Variants in PTPN2 observed in about 807,000 individuals in gnomAD.
The protein encoded by PTPN2 is protein tyrosine phosphatase non-receptor type 2.
In PTPN2, 19 loss-of-function variants were observed where a neutral mutation model predicts 57.3. That is an observed-to-expected ratio of 0.33 (90% CI 0.23 to 0.49). PTPN2 has a LOEUF of 0.49. Among genes scored for constraint, PTPN2 ranks in the 20% least tolerant of loss-of-function variants. PTPN2 has a pLI of 0.99. For missense variants in PTPN2, 358 were observed against 501.1 expected (o/e 0.71, Z 2.73); for synonymous variants, 153 against 164.9 (o/e 0.93, Z 0.55).
intron 6 of PTPN2, among the ~76,000 whole-genome samples, chr18:12,816,896 T>G (rs1306347971): frequency 6.6e-6 from 1 of 152,166 alleles, no homozygotes; most frequent in Admixed American, 6.5e-5. Flanking sequence ...AGAGACCTAT[T>G]ATTTCTGTAA....
Position 12,793,111 on chromosome 18 carries a change from A to G in PTPN2, c.*1167T>C. On this transcript the variant is annotated 3_prime_UTR_variant, in exon 9 of 9. Transcript: ENST00000309660. ...CCTCCTAGCAATTAAATTTGTAACA[A>G]CAATTTCAAGTTTAAGTAAGACAAA... 1 of 984,910 alleles carries G rather than the reference A, an allele frequency of 1.0e-6. No individual in the cohort carries two copies. The highest frequency in any genetic ancestry group is 1.2e-6 in the Non-Finnish European group (1 of 829,418). 61.0% of individuals were successfully genotyped at this position (984,910 alleles called of 1,614,324 possible). A position where few individuals can be genotyped will look rare whatever the true frequency, so the allele number is the denominator to read the frequency against.
At chr18:12,864,859 G>A (rs2043939314) in intron 1 of PTPN2, among the ~76,000 whole-genome samples, 1 of 152,092 alleles carries the variant, frequency 6.6e-6, no homozygotes, top group Admixed American at 6.5e-5. Flanking sequence ...AATTTTGCTG[G>A]GTTCAAATAA....
intron 1 of PTPN2, among the ~76,000 whole-genome samples, chr18:12,878,021 C>T (rs1281000100): frequency 2.0e-5 from 3 of 149,626 alleles, no homozygotes; most frequent in African/African-American, 7.4e-5. Flanking sequence ...CAGAGCAAGA[C>T]TGTCTCAAAA....
intron 5 of PTPN2, among the ~76,000 whole-genome samples, chr18:12,818,420 G>T (rs2042151434): frequency 6.6e-6 from 1 of 152,264 alleles, no homozygotes; most frequent in South Asian, 2.1e-4. Context: ...GTGCTAAAGT[G>T]GTTTACCAAC....
intron 9 of PTPN2, chr18:12,786,848 A>G (rs1352945794): frequency 6.6e-6 from 1 of 152,176 alleles, no homozygotes. Context: ...CTGATTATCC[A>G]ACAGTGACGG....
chr18:12,856,930 C>G, intron 2 of PTPN2, among the ~76,000 whole-genome samples: 1 of 151,612 alleles, frequency 6.6e-6, no homozygotes, highest in East Asian at 1.9e-4. Context: ...CATGGTGGTG[C>G]ACACCTGTAA....
At chr18:12,882,289 GACCA>G (rs2044690329) in intron 1 of PTPN2, among the ~76,000 whole-genome samples, 1 of 152,146 alleles carries the variant, frequency 6.6e-6, no homozygotes, top group African/African-American at 2.4e-5. Flanking sequence ...TATGAGCATT[GACCA>G]ACCAAGGAAA....
intron 2 of PTPN2, among the ~76,000 whole-genome samples, chr18:12,856,595 G>C (rs2043597266): frequency 6.6e-6 from 1 of 152,108 alleles, no homozygotes; most frequent in South Asian, 2.1e-4. Flanking sequence ...ATGGAGGGAG[G>C]CCTGATAACG....
chr18:12,876,762 C>A (rs747416763), intron 1 of PTPN2, among the ~76,000 whole-genome samples: 1 of 152,194 alleles, frequency 6.6e-6, no homozygotes, highest in Non-Finnish European at 1.5e-5. Context: ...TGGGAACACA[C>A]GTACATAAAA....
At chr18:12,812,470 G>A (rs2041924007) in intron 7 of PTPN2, among the ~76,000 whole-genome samples, 1 of 152,052 alleles carries the variant, frequency 6.6e-6, no homozygotes, top group East Asian at 1.9e-4. Context: ...GTGGTGGCAG[G>A]CACCTGTAAT....
At chr18:12,813,093 T>C (rs960935276) in intron 7 of PTPN2, among the ~76,000 whole-genome samples, 4 of 151,908 alleles carry the variant, frequency 2.6e-5, no homozygotes, top group African/African-American at 7.3e-5. Context: ...GTTACCCGTC[T>C]CATCACAGCC....
intron 7 of PTPN2, among the ~76,000 whole-genome samples, chr18:12,805,795 A>G (rs1598749229): frequency 6.6e-6 from 1 of 151,898 alleles, no homozygotes; most frequent in East Asian, 1.9e-4. Flanking sequence ...ATACCCAGCT[A>G]ATTTTTGTAT....
intron 1 of PTPN2, among the ~76,000 whole-genome samples, chr18:12,868,483 T>G (rs1156232592): frequency 6.6e-6 from 1 of 152,056 alleles, no homozygotes; most frequent in Non-Finnish European, 1.5e-5. Context: ...CTTGAACTAC[T>G]GACCTCAGGT....
At chr18:12,867,041 A>C (rs1048894963) in intron 1 of PTPN2, among the ~76,000 whole-genome samples, 4 of 149,604 alleles carry the variant, frequency 2.7e-5, no homozygotes, top group Non-Finnish European at 4.4e-5. Flanking sequence ...AAAAAAAAAA[A>C]CAAAAACACT....
intron 7 of PTPN2, among the ~76,000 whole-genome samples, chr18:12,806,158 G>C (rs2041642351): frequency 2.6e-5 from 4 of 151,886 alleles, no homozygotes; most frequent in Non-Finnish European, 5.9e-5. Flanking sequence ...ATAAAAATCA[G>C]TAGAATTTTA....
At chr18:12,841,527 G>C (rs2043045764) in intron 2 of PTPN2, among the ~76,000 whole-genome samples, 1 of 152,220 alleles carries the variant, frequency 6.6e-6, no homozygotes, top group African/African-American at 2.4e-5. Context: ...GGAATGTAAA[G>C]AGTATTTCCA....
At chr18:12,802,523 C>G (rs1416145331) in intron 7 of PTPN2, among the ~76,000 whole-genome samples, 1 of 152,114 alleles carries the variant, frequency 6.6e-6, no homozygotes, top group Non-Finnish European at 1.5e-5. Flanking sequence ...CGACAGCACA[C>G]TGAACACATT....
Position 12,814,337 on chromosome 18 carries a change from T to C in PTPN2, c.724A>G (p.Ile242Val). 6.3e-7 allele frequency: 1 copy of C among 1,594,746 alleles called. No homozygotes were observed. Among genetic ancestry groups the C allele is most frequent in the Non-Finnish European group, 8.5e-7 (1 of 1,173,796 alleles). The part of the protein sequence containing the change: ...CLVLMEKGDD[I>V]NIKQVLLNMR... ...TTCAGTAACACTTGTTTTATGTTAA[T>C]ATCATCTCCTTTTTCCATCTGCAAG... The change falls in exon 7 of 9, where the codon ATT (isoleucine) becomes GTT (valine). Residue 242 changes from isoleucine (I) to valine (V), a missense_variant. Physicochemically the swap from Ile to Val is conservative, Grantham distance 29 (BLOSUM62 3). Around this residue, in one of 4 missense-constraint regions of PTPN2, gnomAD observed 193 missense variants for 315.4 expected, o/e 0.61. Transcript: ENST00000309660.
chr18:12,847,643 G>T (rs1291272028), intron 2 of PTPN2, among the ~76,000 whole-genome samples: 5 of 147,234 alleles, frequency 3.4e-5, no homozygotes, highest in African/African-American at 1.3e-4. Context: ...TTGAGAGGGA[G>T]TTTTTTTTCG....
Sources: allele counts gnomAD v4.1 joint callset (sites outside exome capture counted in the v4.1 genomes callset), GRCh38; gene constraint gnomAD v4.1.1; regional missense constraint gnomAD v4.1.1; transcripts MANE v1.5; gene names NCBI Gene and HGNC (gene_info 2026-07-23, HGNC 2026-07-21).